OR4K17: variants seen among roughly 807,000 people sequenced by gnomAD.
The protein encoded by OR4K17 is olfactory receptor family 4 subfamily K member 17.
For missense variants in OR4K17, 480 were observed against 366.3 expected (o/e 1.31, Z -2.53); for synonymous variants, 157 against 132.8 (o/e 1.18, Z -1.25).
rs1490628171 is a variant in OR4K17 at position 20,122,074 on chromosome 14, T to C, written c.*3636T>C. 1 of 152,068 alleles carries C rather than the reference T, an allele frequency of 6.6e-6. No individual in the cohort carries two copies. The highest frequency in any genetic ancestry group is 1.5e-5 in the Non-Finnish European group (1 of 67,962). The allele number at this position is 152,068 out of a possible 1,614,324, so 9.4% of individuals were successfully genotyped here. A position where few individuals can be genotyped will look rare whatever the true frequency, so the allele number is the denominator to read the frequency against. On this transcript the variant is annotated 3_prime_UTR_variant, in exon 2 of 2. Transcript: ENST00000641386. ...AATCACAGGGAGGTCTTGGAGTCTG[T>C]TGCCTAAAGTCACTGAGGGATGACT...
At position 20,118,866 on chromosome 14, in the gene OR4K17, C is replaced by G. The variant is rs1878087806; in HGVS notation, c.*428C>G. On this transcript the variant is annotated 3_prime_UTR_variant, in exon 2 of 2. Coordinates refer to ENST00000641386, the MANE Select transcript of OR4K17 (RefSeq NM_001004715.5). ...TTATGCCCCACTGGGCACTCATTGC[C>G]ATTGATAACATCTTATCAGGAGACA... is the stretch of plus-strand genomic sequence containing the variant. The G allele has an allele frequency of 6.3e-6, 1 of 159,988 alleles. No individual in the cohort carries two copies. The highest frequency in any genetic ancestry group is 6.1e-5 in the Admixed American group (1 of 16,334). The allele number at this position is 159,988 out of a possible 1,614,324, so 9.9% of individuals were successfully genotyped here. A position where few individuals can be genotyped will look rare whatever the true frequency, so the allele number is the denominator to read the frequency against.
At position 20,117,714 on chromosome 14, in the gene OR4K17, C is replaced by T. The variant is rs1434759668; in HGVS notation, c.215C>T (p.Thr72Ile). 1.2e-5 allele frequency: 19 copies of T among 1,613,834 alleles called. No individual in the cohort carries two copies. The highest frequency in any genetic ancestry group is 1.4e-5 in the Non-Finnish European group (17 of 1,179,932). Residue 72 changes from threonine to isoleucine, a missense_variant, in exon 2 of 2, where the codon ACC becomes ATC. Physicochemically the swap from Thr to Ile is moderately conservative, Grantham distance 89 (BLOSUM62 -1). Coordinates refer to ENST00000641386, the MANE Select transcript of OR4K17 (RefSeq NM_001004715.5). ...GGTAATCTCTCTTTTGTAGATATGA[C>T]CCTTGCTTCTTTTGCCACCCCTAAG... ...LLGNLSFVDM[T>I]LASFATPKVI...
chr14:20,114,839 G>A (rs896209848), intron 1 of OR4K17, among the ~76,000 whole-genome samples: 2 of 151,986 alleles, frequency 1.3e-5, no homozygotes, highest in Non-Finnish European at 2.9e-5. Context: ...TCTTGCCTAT[G>A]TTTTCCTATT....
At position 20,117,483 on chromosome 14, in the gene OR4K17, G is replaced by A. The variant is rs776703913; in HGVS notation, c.-17G>A. 6.2e-7 allele frequency: 1 copy of A among 1,613,448 alleles called. No individual in the cohort carries two copies. Among genetic ancestry groups the A allele is most frequent in the African/African-American group, 1.3e-5 (1 of 75,002 alleles). On this transcript the variant is annotated 5_prime_UTR_variant, in exon 2 of 2. Coordinates refer to ENST00000641386, the MANE Select transcript of OR4K17 (RefSeq NM_001004715.5). ...CTCTCTACAGGTCATCCAAGAGCGA[G>A]CTGTAGGATGGAGGCCATGAAACTA...
rs796846772 is a variant in OR4K17, at chr14:20,110,812, A to T, written c.-113A>T. 21 of 152,112 alleles carry T rather than the reference A, an allele frequency of 1.4e-4. No individual in the cohort carries two copies. Among genetic ancestry groups the T allele is most frequent in the African/African-American group, 5.1e-4 (21 of 41,526 alleles). The allele number at this position is 152,112 out of a possible 1,614,324, so 9.4% of individuals were successfully genotyped here. Reference sequence around the variant, plus strand: ...GATACTTTAGTGACTTGTTTCTTCTATGGAACTATAAGTTGAGAAGGTGCA... The same window carrying T: ...GATACTTTAGTGACTTGTTTCTTCTTTGGAACTATAAGTTGAGAAGGTGCA... On this transcript the variant is annotated 5_prime_UTR_variant, in exon 1 of 2. It removes an upstream start codon present in the reference 5' UTR. Coordinates refer to ENST00000641386, the MANE Select transcript of OR4K17 (RefSeq NM_001004715.5).
Position 20,119,216 on chromosome 14 carries a change from G to A in OR4K17, c.*778G>A, listed in dbSNP as rs2139058719. On this transcript the variant is annotated 3_prime_UTR_variant, in exon 2 of 2. Coordinates refer to ENST00000641386, the MANE Select transcript of OR4K17 (RefSeq NM_001004715.5). Reference sequence around the variant, plus strand: ...TCTCTCTTGTTCCCTGAACATCGCTGTTATCCTGTTCTTTTTTCAAAGTGC... The same window carrying A: ...TCTCTCTTGTTCCCTGAACATCGCTATTATCCTGTTCTTTTTTCAAAGTGC... The A allele has an allele frequency of 6.6e-6, 1 of 152,266 alleles. No individual in the cohort carries two copies. The highest frequency in any genetic ancestry group is 1.9e-4 in the East Asian group (1 of 5,172). 9.4% of individuals were successfully genotyped at this position (152,266 alleles called of 1,614,324 possible).
chr14:20,111,475 A>G (rs948968345), intron 1 of OR4K17, among the ~76,000 whole-genome samples: 1 of 152,016 alleles, frequency 6.6e-6, no homozygotes, highest in African/African-American at 2.4e-5. Context: ...TCCTGAAACT[A>G]TCTTTCTAGA....
In OR4K17 at chr14:20,120,024, G is replaced by T. The variant is rs983049960; in HGVS notation, c.*1586G>T. The T allele has an allele frequency of 6.6e-6, 1 of 152,116 alleles. No homozygotes were observed. The highest frequency in any genetic ancestry group is 1.5e-5 in the Non-Finnish European group (1 of 68,016). 9.4% of individuals were successfully genotyped at this position (152,116 alleles called of 1,614,324 possible). A position where few individuals can be genotyped will look rare whatever the true frequency, so the allele number is the denominator to read the frequency against. On this transcript the variant is annotated 3_prime_UTR_variant, in exon 2 of 2. Transcript: ENST00000641386. ...ATAAATTATTGATTTTTAAAATGTTGACTGAGTTATAAAAGGTGTCAGAGA... is the reference window on the plus strand; with the variant it reads ...ATAAATTATTGATTTTTAAAATGTTTACTGAGTTATAAAAGGTGTCAGAGA...
intron 1 of OR4K17, among the ~76,000 whole-genome samples, chr14:20,114,181 C>T (rs1026241497): frequency 6.6e-6 from 1 of 151,640 alleles, no homozygotes; most frequent in Non-Finnish European, 1.5e-5. Flanking sequence ...GTCACCCTCA[C>T]ACATGGATGG....
intron 1 of OR4K17, 102 bp from the exon 2 acceptor site, chr14:20,117,366 T>C: frequency 3.6e-6 from 5 of 1,384,374 alleles, no homozygotes; most frequent in Non-Finnish European, 5.0e-6. Flanking sequence ...AAGGTCCGTT[T>C]ATTGAAAGAT....
rs1347115980 is a variant in OR4K17, at chr14:20,121,179, C to T, written c.*2741C>T. The stretch of plus-strand genomic sequence containing the variant: ...ATGCACAGAAATCTGCTTAAGACAA[C>T]AAGAAACACCAAAAACCAAAAGGGA... On this transcript the variant is annotated 3_prime_UTR_variant, in exon 2 of 2. Transcript: ENST00000641386. 6.6e-6 allele frequency: 1 copy of T among 152,140 alleles called. No individual in the cohort carries two copies. The highest frequency in any genetic ancestry group is 6.6e-5 in the Admixed American group (1 of 15,250). 9.4% of individuals were successfully genotyped at this position (152,140 alleles called of 1,614,324 possible). A position where few individuals can be genotyped will look rare whatever the true frequency, so the allele number is the denominator to read the frequency against.
In OR4K17 at chr14:20,118,393, G is replaced by C; in HGVS notation, c.894G>C (p.Met298Ile). 1.9e-6 allele frequency: 3 copies of C among 1,605,562 alleles called. No individual in the cohort carries two copies. The highest frequency in any genetic ancestry group is 2.6e-6 in the Non-Finnish European group (3 of 1,175,956). Residue 298 changes from methionine (M) to isoleucine (I), a missense_variant, in exon 2 of 2, where the codon ATG (methionine) becomes ATC (isoleucine). Coordinates refer to ENST00000641386, the MANE Select transcript of OR4K17 (RefSeq NM_001004715.5). ...TLRNKEMKIS[M>I]KKLWRAFVNS... is the part of the protein sequence containing the mutation. ...GAAACAAAGAAATGAAGATATCCAT[G>C]AAAAAACTCTGGAGAGCTTTTGTGA...
Position 20,110,854 on chromosome 14 carries a change from G to T in OR4K17, c.-71G>T, listed in dbSNP as rs1877868937. ...GAAGGTGCATGCCCTTCTCGATATTGTCCCCTCTGAACCCATGGCCCTGAC... is the reference window on the plus strand; with the variant it reads ...GAAGGTGCATGCCCTTCTCGATATTTTCCCCTCTGAACCCATGGCCCTGAC... On this transcript the variant is annotated 5_prime_UTR_variant, in exon 1 of 2. Coordinates refer to ENST00000641386, the MANE Select transcript of OR4K17 (RefSeq NM_001004715.5). The T allele has an allele frequency of 1.3e-5, 2 of 151,882 alleles. No individual in the cohort carries two copies. Among genetic ancestry groups the T allele is most frequent in the African/African-American group, 4.8e-5 (2 of 41,354 alleles). The allele number at this position is 151,882 out of a possible 1,614,324, so 9.4% of individuals were successfully genotyped here. A position where few individuals can be genotyped will look rare whatever the true frequency, so the allele number is the denominator to read the frequency against.
chr14:20,115,908 C>T (rs945512841), intron 1 of OR4K17, among the ~76,000 whole-genome samples: 1 of 152,050 alleles, frequency 6.6e-6, no homozygotes, highest in Non-Finnish European at 1.5e-5. Flanking sequence ...ATTTTTCACA[C>T]AGCTATACCT....
At position 20,117,823 on chromosome 14, in the gene OR4K17, T is replaced by C. The variant is rs750563157; in HGVS notation, c.324T>C (p.Gly108=). 36 of 1,614,006 alleles carry C rather than the reference T, an allele frequency of 2.2e-5. No homozygotes were observed. The highest frequency in any genetic ancestry group is 2.7e-5 in the Non-Finnish European group (32 of 1,180,026). ...AGATATTTCTCCTTCACTTACTGGG[T>C]GGGGTTGAAATGGTACTGTTGGTCT... ...FTQIFLLHLL[G]GVEMVLLVSM... is the part of the protein sequence containing the mutation. Residue 108 remains glycine, a synonymous_variant, in exon 2 of 2, where the codon GGT becomes GGC. Transcript: ENST00000641386.
intron 1 of OR4K17, among the ~76,000 whole-genome samples, chr14:20,114,827 C>T (rs569489713): frequency 1.3e-4 from 20 of 152,170 alleles, no homozygotes; most frequent in Admixed American, 8.5e-4. Context: ...CTTTAAGTAA[C>T]GTCTTGCCTA....
Position 20,118,214 on chromosome 14 carries a change from ACTTTGACT to A in OR4K17, c.716_723del (p.Thr239SerfsTer28). Reference sequence around the variant, plus strand: ...TACTGGGCAATCTAAAGCCCGTTCCACTTTGACTGCTCACATCACAGTGGTGATTCTCT... The same window carrying A: ...TACTGGGCAATCTAAAGCCCGTTCCAGCTCACATCACAGTGGTGATTCTCT... On this transcript the variant is annotated frameshift_variant, in exon 2 of 2. Coordinates refer to ENST00000641386, the MANE Select transcript of OR4K17 (RefSeq NM_001004715.5). LOFTEE classifies it low-confidence loss of function (END_TRUNC). 1.2e-6 allele frequency: 2 copies of A among 1,613,978 alleles called. No individual in the cohort carries two copies. The highest frequency in any genetic ancestry group is 1.7e-6 in the Non-Finnish European group (2 of 1,179,860).
chr14:20,117,390 TA>T, intron 1 of OR4K17, 77 bp from the exon 2 acceptor site: 1 of 1,542,820 alleles, frequency 6.5e-7, no homozygotes, highest in Non-Finnish European at 8.8e-7. Context: ...AAGGAATGCA[TA>T]AGTTTGGTTT....
rs1269262429 is a variant in OR4K17, at chr14:20,121,642, A to C, written c.*3204A>C. 6.6e-6 allele frequency: 1 copy of C among 152,094 alleles called. No individual in the cohort carries two copies. Among genetic ancestry groups the C allele is most frequent in the Non-Finnish European group, 1.5e-5 (1 of 67,978 alleles). 9.4% of individuals were successfully genotyped at this position (152,094 alleles called of 1,614,324 possible). A position where few individuals can be genotyped will look rare whatever the true frequency, so the allele number is the denominator to read the frequency against. ...TAGAGCATTTACAAAAACAAAAAAA[A>C]TAAAAAATCAAAGCATATGCTGGAG... On this transcript the variant is annotated 3_prime_UTR_variant, in exon 2 of 2. Transcript: ENST00000641386.
Sources: allele counts gnomAD v4.1 joint callset (sites outside exome capture counted in the v4.1 genomes callset), GRCh38; gene constraint gnomAD v4.1.1; transcripts MANE v1.5; gene names NCBI Gene and HGNC (gene_info 2026-07-23, HGNC 2026-07-21).